MTUS2: variants seen among roughly 807,000 people sequenced by gnomAD.
MTUS2 encodes microtubule associated scaffold protein 2.
In MTUS2, 40 loss-of-function variants were observed where a neutral mutation model predicts 114.1. That is an observed-to-expected ratio of 0.35 (90% CI 0.27 to 0.46). MTUS2 has a LOEUF of 0.46. Ranked by LOEUF, MTUS2 falls within the 20% of genes least tolerant of loss-of-function variation. MTUS2 has a pLI of 1.00. For missense variants in MTUS2, 1,679 were observed against 1,705.4 expected (o/e 0.98, Z 0.27); for synonymous variants, 688 against 672.0 (o/e 1.02, Z -0.37).
intron 1 of MTUS2, among the ~76,000 whole-genome samples, chr13:28,829,379 A>T (rs1874501675): frequency 6.6e-6 from 1 of 152,110 alleles, no homozygotes. Context: ...TACAAAAAAA[A>T]AAATTAGCCA....
intron 5 of MTUS2, among the ~76,000 whole-genome samples, chr13:29,279,287 T>G (rs1352594486): frequency 6.6e-6 from 1 of 152,160 alleles, no homozygotes; most frequent in Admixed American, 6.5e-5. Flanking sequence ...TCTTCTGTGC[T>G]GTGGTCAAGT....
At chr13:29,228,817 A>C (rs1277676989) in intron 5 of MTUS2, among the ~76,000 whole-genome samples, 2 of 152,144 alleles carry the variant, frequency 1.3e-5, no homozygotes, top group African/African-American at 2.4e-5. Flanking sequence ...TGTAATACAA[A>C]TTTTAGATAA....
At chr13:29,268,805 C>T (rs1897765601) in intron 5 of MTUS2, among the ~76,000 whole-genome samples, 1 of 152,204 alleles carries the variant, frequency 6.6e-6, no homozygotes, top group African/African-American at 2.4e-5. Flanking sequence ...TCATAGCTCA[C>T]TGCAGCCTCA....
chr13:29,046,117 A>ATTTTTTTTTTTTT (rs5802505), intron 4 of MTUS2, among the ~76,000 whole-genome samples: 1 of 144,738 alleles, frequency 6.9e-6, no homozygotes, highest in Non-Finnish European at 1.5e-5. Flanking sequence ...GTTAGTAAGT[A>ATTTTTTTTTTTTT]TTTTTTTTTT....
At chr13:28,960,079 A>C (rs1279930132) in intron 2 of MTUS2, among the ~76,000 whole-genome samples, 1 of 152,262 alleles carries the variant, frequency 6.6e-6, no homozygotes, top group African/African-American at 2.4e-5. Context: ...TGTTAGAACT[A>C]TCTGACAAAG....
Position 29,389,891 on chromosome 13 carries a change from A to G in MTUS2, c.3117+30418A>G, listed in dbSNP as rs149143342. ...TGTGTATATATACATACATATGTGTATATATACATACATATGTGTATATAT... is the reference window on the plus strand; with the variant it reads ...TGTGTATATATACATACATATGTGTGTATATACATACATATGTGTATATAT... On this transcript the variant is annotated intron_variant, in intron 8 of 15. Transcript: ENST00000612955. Among the ~76,000 whole-genome samples, 328 of 78,394 alleles carry G rather than the reference A, an allele frequency of 4.2e-3. 8 individuals carry two copies. Among genetic ancestry groups the G allele is most frequent in the East Asian group, 7.5e-3 (13 of 1,726 alleles). The allele number at this position is 78,394 out of a possible 152,430, so 51.4% of individuals were successfully genotyped here. A position where few individuals can be genotyped will look rare whatever the true frequency, so the allele number is the denominator to read the frequency against.
chr13:29,209,568 T>C (rs1420545403), intron 5 of MTUS2, among the ~76,000 whole-genome samples: 1 of 152,180 alleles, frequency 6.6e-6, no homozygotes, highest in Admixed American at 6.5e-5. Context: ...TTTTATATAT[T>C]TTGAGGATTT....
At chr13:29,195,539 G>GAAA (rs59726006) in intron 5 of MTUS2, among the ~76,000 whole-genome samples, 55 of 78,492 alleles carry the variant, frequency 7.0e-4, no homozygotes, top group African/African-American at 2.0e-3. Flanking sequence ...ACTTAATTCT[G>GAAA]AAAAAAAAAA....
At chr13:29,004,300 C>T (rs1885510719) in intron 2 of MTUS2, among the ~76,000 whole-genome samples, 1 of 152,152 alleles carries the variant, frequency 6.6e-6, no homozygotes, top group Admixed American at 6.5e-5. Context: ...TGTATATATT[C>T]TCATTTAAAA....
At chr13:29,285,155 G>A (rs1271716400) in intron 6 of MTUS2, among the ~76,000 whole-genome samples, 1 of 145,298 alleles carries the variant, frequency 6.9e-6, no homozygotes, top group African/African-American at 2.5e-5. Flanking sequence ...TACAATGGAT[G>A]AATACCCATC....
At chr13:29,281,421 G>C (rs1898262462) in intron 5 of MTUS2, among the ~76,000 whole-genome samples, 1 of 134,900 alleles carries the variant, frequency 7.4e-6, no homozygotes, top group African/African-American at 2.7e-5. Flanking sequence ...ATGTATGTCT[G>C]TGTGTGTGTG....
chr13:29,122,794 TG>T (rs535949084), intron 5 of MTUS2, among the ~76,000 whole-genome samples: 41 of 152,382 alleles, frequency 2.7e-4, no homozygotes, highest in African/African-American at 9.6e-4. Flanking sequence ...GACTAAATGG[TG>T]CTACTTTATT....
chr13:29,476,581 A>G (rs1235428834), intron 9 of MTUS2: 2 of 152,184 alleles, frequency 1.3e-5, no homozygotes, highest in African/African-American at 2.4e-5. Context: ...TAAGTATACA[A>G]TGTGGTGGTT....
At chr13:29,473,962 C>T (rs1880505551) in intron 9 of MTUS2, among the ~76,000 whole-genome samples, 1 of 152,162 alleles carries the variant, frequency 6.6e-6, no homozygotes, top group Non-Finnish European at 1.5e-5. Context: ...AGATAGACTT[C>T]TGAAGGTTTA....
intron 2 of MTUS2, among the ~76,000 whole-genome samples, chr13:28,934,397 G>T (rs1214174721): frequency 6.6e-6 from 1 of 151,964 alleles, no homozygotes; most frequent in Non-Finnish European, 1.5e-5. Context: ...AGTGTATAAG[G>T]GCTTAGGTAC....
chr13:29,260,267 G>C (rs1165038713), intron 5 of MTUS2, among the ~76,000 whole-genome samples: 1 of 152,180 alleles, frequency 6.6e-6, no homozygotes, highest in Non-Finnish European at 1.5e-5. Context: ...ATGTTTTCAA[G>C]ATATTTTTTC....
At chr13:29,172,710 A>G (rs773566311) in intron 5 of MTUS2, among the ~76,000 whole-genome samples, 1 of 152,204 alleles carries the variant, frequency 6.6e-6, no homozygotes, top group Non-Finnish European at 1.5e-5. Flanking sequence ...TTGAGTATCT[A>G]CCAAAGGCCA....
chr13:29,441,247 A>G (rs1207611351), intron 9 of MTUS2, among the ~76,000 whole-genome samples: 1 of 152,018 alleles, frequency 6.6e-6, no homozygotes, highest in East Asian at 1.9e-4. Flanking sequence ...GCTTCTTCCA[A>G]CAGTCGGCTA....
chr13:28,887,344 C>T (rs908887336), intron 2 of MTUS2, among the ~76,000 whole-genome samples: 4 of 152,238 alleles, frequency 2.6e-5, no homozygotes, highest in Admixed American at 6.5e-5. Context: ...GGACGCTACT[C>T]GTTTCTGACG....
Sources: allele counts gnomAD v4.1 joint callset (sites outside exome capture counted in the v4.1 genomes callset), GRCh38; gene constraint gnomAD v4.1.1; transcripts MANE v1.5; gene names NCBI Gene and HGNC (gene_info 2026-07-23, HGNC 2026-07-21).